The following STK39 variants were observed in gnomAD, a reference collection of about 807,000 sequenced individuals.
STK39 encodes serine/threonine kinase 39.
In STK39, 20 loss-of-function variants were observed where a neutral mutation model predicts 77.8. The observed-to-expected ratio is 0.26, with a 90% CI of 0.18 to 0.37. The LOEUF (loss-of-function observed/expected upper bound fraction) is 0.37, where lower values mean the gene tolerates loss of function less well. Ranked by LOEUF, STK39 falls within the 10% of genes least tolerant of loss-of-function variation. STK39 has a pLI of 1.00. For missense variants in STK39, 479 were observed against 656.5 expected (o/e 0.73, Z 2.95); for synonymous variants, 246 against 234.1 (o/e 1.05, Z -0.47).
intron 14 of STK39, among the ~76,000 whole-genome samples, chr2:168,055,697 C>T (rs1685506107): frequency 6.6e-6 from 1 of 152,138 alleles, no homozygotes; most frequent in African/African-American, 2.4e-5. Context: ...GCATCTAATA[C>T]AAAGGAATTA....
chr2:167,999,357 G>A (rs1039404039), intron 16 of STK39, among the ~76,000 whole-genome samples: 1 of 152,154 alleles, frequency 6.6e-6, no homozygotes, highest in Non-Finnish European at 1.5e-5. Context: ...CTTGTCTAAG[G>A]TCTGCCTCTC....
intron 14 of STK39, among the ~76,000 whole-genome samples, chr2:168,017,528 G>A (rs1684446099): frequency 6.6e-6 from 1 of 151,696 alleles, no homozygotes; most frequent in African/African-American, 2.4e-5. Context: ...GTGCCACCAT[G>A]TCCGGCTAAT....
At chr2:168,170,154 A>C (rs1037972307) in intron 2 of STK39, among the ~76,000 whole-genome samples, 3 of 152,192 alleles carry the variant, frequency 2.0e-5, no homozygotes, top group Non-Finnish European at 4.4e-5. Context: ...AAAACTAGAA[A>C]TCTTTCCACA....
At chr2:167,980,421 G>A (rs1683385320) in intron 16 of STK39, among the ~76,000 whole-genome samples, 1 of 152,184 alleles carries the variant, frequency 6.6e-6, no homozygotes. Flanking sequence ...CTATTAACAG[G>A]ACACACACAG....
At chr2:167,977,729 A>T (rs1001899941) in intron 16 of STK39, among the ~76,000 whole-genome samples, 1 of 152,196 alleles carries the variant, frequency 6.6e-6, no homozygotes, top group Non-Finnish European at 1.5e-5. Context: ...CTTTGTGTGC[A>T]CATTTCTGGG....
At chr2:168,068,285 G>C (rs1685848333) in intron 12 of STK39, among the ~76,000 whole-genome samples, 1 of 152,174 alleles carries the variant, frequency 6.6e-6, no homozygotes, top group Admixed American at 6.6e-5. Flanking sequence ...TCTAGGACAG[G>C]ATAAGAGAGG....
chr2:168,047,488 C>CTTG (rs1229035519), intron 14 of STK39, among the ~76,000 whole-genome samples: 1 of 152,188 alleles, frequency 6.6e-6, no homozygotes, highest in African/African-American at 2.4e-5. Flanking sequence ...CTGAGCTGAC[C>CTTG]TTGTATCTGC....
chr2:167,968,365 C>T (rs1054943607), intron 16 of STK39, among the ~76,000 whole-genome samples: 6 of 152,210 alleles, frequency 3.9e-5, no homozygotes, highest in Non-Finnish European at 8.8e-5. Context: ...AAATTATTCA[C>T]ATTTTGACAG....
intron 12 of STK39, among the ~76,000 whole-genome samples, chr2:168,073,097 T>G (rs1270667964): frequency 6.6e-6 from 1 of 152,230 alleles, no homozygotes; most frequent in Non-Finnish European, 1.5e-5. Flanking sequence ...ATATCCCATT[T>G]AAGAAGGTCA....
chr2:168,161,748 C>G, intron 5 of STK39, 39 bp downstream of exon 5: 1 of 1,478,730 alleles, frequency 6.8e-7, no homozygotes, highest in Non-Finnish European at 9.3e-7. Flanking sequence ...GTAACACTTC[C>G]GTAATCAAGT....
At chr2:167,960,057 C>T (rs1046510220) in intron 17 of STK39, among the ~76,000 whole-genome samples, 1 of 152,086 alleles carries the variant, frequency 6.6e-6, no homozygotes, top group African/African-American at 2.4e-5. Context: ...CATGGTTTTG[C>T]GTTAAAGACA....
At chr2:168,027,810 C>T (rs1362496326) in intron 14 of STK39, among the ~76,000 whole-genome samples, 1 of 152,164 alleles carries the variant, frequency 6.6e-6, no homozygotes, top group Non-Finnish European at 1.5e-5. Flanking sequence ...TTTAGGTTTG[C>T]GGCCTGCAGG....
chr2:168,189,742 G>A (rs1559139338), intron 1 of STK39, among the ~76,000 whole-genome samples: 1 of 152,148 alleles, frequency 6.6e-6, no homozygotes, highest in East Asian at 1.9e-4. Flanking sequence ...ATGATTGCTT[G>A]CCGGTTTAAA....
intron 12 of STK39, among the ~76,000 whole-genome samples, chr2:168,070,264 A>G (rs756798862): frequency 6.6e-6 from 1 of 152,152 alleles, no homozygotes; most frequent in Non-Finnish European, 1.5e-5. Context: ...ACACAGTTCC[A>G]AGTGGAAATC....
rs576855530 is a variant in STK39 at position 168,247,349 on chromosome 2, C to G, written c.87G>C (p.Ala29=). The G allele has an allele frequency of 2.6e-3, 2,726 of 1,049,268 alleles. 48 individuals are homozygous for G. In the African/African-American group the frequency reaches 0.041, roughly 16 times the overall value. The allele number at this position is 1,049,268 out of a possible 1,614,324, so 65.0% of individuals were successfully genotyped here. A position where few individuals can be genotyped will look rare whatever the true frequency, so the allele number is the denominator to read the frequency against. ...PVTAAAAAAP[A]AATAAPAPAA... ...CCGGGGCCGGCGCTGCTGTCGCGGCCGCCGGGGCCGCCGCCGCCGCCGCTG... is the reference window on the plus strand; with the variant it reads ...CCGGGGCCGGCGCTGCTGTCGCGGCGGCCGGGGCCGCCGCCGCCGCCGCTG... The change falls in exon 1 of 18, where the codon GCG becomes GCC. Residue 29 remains alanine, a synonymous_variant. Transcript: ENST00000355999.
At chr2:168,181,848 G>T in intron 2 of STK39, 130 bp downstream of exon 2, 1 of 681,626 alleles carries the variant, frequency 1.5e-6, no homozygotes, top group Non-Finnish European at 2.6e-6. Flanking sequence ...AGCAGGAAGT[G>T]GTAGGGGCTG....
At chr2:168,226,686 G>A (rs1223754787) in intron 1 of STK39, among the ~76,000 whole-genome samples, 3 of 145,502 alleles carry the variant, frequency 2.1e-5, no homozygotes, top group African/African-American at 2.6e-5. Flanking sequence ...GGGTCAAATC[G>A]GGAATAAGGC....
chr2:168,043,222 T>C (rs1223967262), intron 14 of STK39, among the ~76,000 whole-genome samples: 1 of 152,192 alleles, frequency 6.6e-6, no homozygotes, highest in Non-Finnish European at 1.5e-5. Flanking sequence ...ATTCATTTTA[T>C]ACCCCCAGAA....
intron 16 of STK39, among the ~76,000 whole-genome samples, chr2:167,975,546 T>C (rs1574358610): frequency 6.6e-6 from 1 of 152,308 alleles, no homozygotes; most frequent in East Asian, 1.9e-4. Flanking sequence ...CCGGGCACGG[T>C]GGCTCACGCC....
Sources: allele counts gnomAD v4.1 joint callset (sites outside exome capture counted in the v4.1 genomes callset), GRCh38; gene constraint gnomAD v4.1.1; transcripts MANE v1.5; gene names NCBI Gene and HGNC (gene_info 2026-07-23, HGNC 2026-07-21).